The following SPATA17 variants were observed in gnomAD, a reference collection of about 807,000 sequenced individuals.
SPATA17 encodes spermatogenesis associated 17, also known as spermatogenesis-associated protein 17.
Under a neutral mutation model 62.2 loss-of-function variants are expected in SPATA17, and 53 were observed. The observed-to-expected ratio is 0.85, with a 90% CI of 0.68 to 1.07. The LOEUF (loss-of-function observed/expected upper bound fraction) is 1.07, where lower values mean the gene tolerates loss of function less well. Ranked by LOEUF, SPATA17 falls within the 50% of genes least tolerant of loss-of-function variation. The pLI, the probability that SPATA17 is intolerant of heterozygous loss-of-function variation, is 0.00. For synonymous variants in SPATA17, 146 were observed against 146.8 expected (o/e 0.99, Z 0.04); for missense variants, 466 against 425.5 (o/e 1.10, Z -0.84).
chr1:217,776,004 A>G (rs1334694458), intron 7 of SPATA17, among the ~76,000 whole-genome samples: 4 of 152,134 alleles, frequency 2.6e-5, no homozygotes, highest in Non-Finnish European at 5.9e-5. Flanking sequence ...TATCAATTTT[A>G]TTGAATTTAA....
At chr1:217,636,884 AAAAATTTTT>A (rs1404291931) in intron 1 of SPATA17, among the ~76,000 whole-genome samples, 2 of 152,236 alleles carry the variant, frequency 1.3e-5, no homozygotes, top group Non-Finnish European at 2.9e-5. Flanking sequence ...AATAACACTT[AAAAATTTTT>A]AAAACACATA....
chr1:217,695,916 T>G (rs993824073), intron 5 of SPATA17, among the ~76,000 whole-genome samples: 2 of 140,346 alleles, frequency 1.4e-5, no homozygotes, highest in African/African-American at 5.4e-5. Context: ...CAGGGACATT[T>G]AAGTCTGCAG....
chr1:217,760,547 G>C (rs1453238901), intron 6 of SPATA17, among the ~76,000 whole-genome samples: 2 of 152,098 alleles, frequency 1.3e-5, no homozygotes, highest in African/African-American at 2.4e-5. Flanking sequence ...TCAGATAAGG[G>C]CAATATAGCA....
At chr1:217,696,390 T>C (rs1436982681) in intron 5 of SPATA17, among the ~76,000 whole-genome samples, 2 of 152,136 alleles carry the variant, frequency 1.3e-5, no homozygotes, top group Non-Finnish European at 2.9e-5. Flanking sequence ...GCGCCCACTG[T>C]CTGGCACTCC....
chr1:217,678,947 C>T (rs1408187583), intron 4 of SPATA17, among the ~76,000 whole-genome samples: 2 of 151,434 alleles, frequency 1.3e-5, no homozygotes, highest in Admixed American at 6.6e-5. Context: ...AACCCGTTCA[C>T]CTTGAAATTA....
At chr1:217,842,235 T>C (rs1372989487) in intron 9 of SPATA17, among the ~76,000 whole-genome samples, 3 of 152,048 alleles carry the variant, frequency 2.0e-5, no homozygotes, top group African/African-American at 7.2e-5. Flanking sequence ...GTTTTTTATA[T>C]CTATGTTTGT....
chr1:217,812,764 C>T (rs759244775), intron 9 of SPATA17, among the ~76,000 whole-genome samples: 1 of 152,250 alleles, frequency 6.6e-6, no homozygotes, highest in Non-Finnish European at 1.5e-5. Context: ...TTTTGGTTGT[C>T]AAAACATTCA....
intron 9 of SPATA17, among the ~76,000 whole-genome samples, chr1:217,810,838 A>G (rs571932145): frequency 1.8e-3 from 276 of 152,024 alleles, no homozygotes; most frequent in African/African-American, 6.4e-3. Context: ...TTTTAAAACA[A>G]TCAGATCTCA....
intron 1 of SPATA17, among the ~76,000 whole-genome samples, chr1:217,641,675 TAAC>T (rs1670066045): frequency 6.6e-6 from 1 of 152,050 alleles, no homozygotes; most frequent in African/African-American, 2.4e-5. Context: ...TACAGAGAAA[TAAC>T]AAGTATAATA....
chr1:217,716,892 A>T (rs906670264), intron 5 of SPATA17, among the ~76,000 whole-genome samples: 1 of 152,212 alleles, frequency 6.6e-6, no homozygotes, highest in Non-Finnish European at 1.5e-5. Context: ...TATCCACACA[A>T]ACCCCCTTTT....
intron 9 of SPATA17, among the ~76,000 whole-genome samples, chr1:217,859,739 G>T (rs575485303): frequency 1.3e-5 from 2 of 152,246 alleles, no homozygotes; most frequent in East Asian, 1.9e-4. Flanking sequence ...CATAGGATTA[G>T]AAGTGATGGC....
At chr1:217,651,050 C>G (rs777887423) in intron 2 of SPATA17, 47 bp from the exon 3 acceptor site, 1 of 1,401,960 alleles carries the variant, frequency 7.1e-7, no homozygotes, top group Non-Finnish European at 1.0e-6. Context: ...TTTAACTGAC[C>G]TTGTTTCAAT....
chr1:217,764,154 A>G (rs1172790907), intron 6 of SPATA17, among the ~76,000 whole-genome samples: 2 of 152,126 alleles, frequency 1.3e-5, no homozygotes, highest in Non-Finnish European at 2.9e-5. Context: ...CTATGGGTTT[A>G]ACAAATCTAT....
chr1:217,740,728 C>T (rs560613728), intron 5 of SPATA17, among the ~76,000 whole-genome samples: 13 of 152,260 alleles, frequency 8.5e-5, no homozygotes, highest in Admixed American at 2.0e-4. Flanking sequence ...GCTCTGTGGG[C>T]GCAGAAGCCC....
At chr1:217,662,008 G>C (rs952837523) in intron 3 of SPATA17, among the ~76,000 whole-genome samples, 1 of 152,098 alleles carries the variant, frequency 6.6e-6, no homozygotes, top group Non-Finnish European at 1.5e-5. Context: ...TTAAGCAATA[G>C]TACCACAAAA....
intron 5 of SPATA17, among the ~76,000 whole-genome samples, chr1:217,737,479 G>A (rs945181674): frequency 6.6e-6 from 1 of 152,118 alleles, no homozygotes; most frequent in African/African-American, 2.4e-5. Flanking sequence ...GAGGGAGGTT[G>A]AGAGAGAAGT....
At chr1:217,828,179 A>T (rs1030975455) in intron 9 of SPATA17, among the ~76,000 whole-genome samples, 1 of 152,172 alleles carries the variant, frequency 6.6e-6, no homozygotes, top group East Asian at 1.9e-4. Flanking sequence ...TTAAAGTTAT[A>T]TTACAAAACT....
At chr1:217,865,780 C>T (rs1005248607) in intron 10 of SPATA17, among the ~76,000 whole-genome samples, 6 of 152,164 alleles carry the variant, frequency 3.9e-5, no homozygotes, top group Non-Finnish European at 7.3e-5. Context: ...TGTGAGTTTT[C>T]ATGCATTACA....
At chr1:217,654,775 C>A (rs576342578) in intron 3 of SPATA17, among the ~76,000 whole-genome samples, 1 of 146,626 alleles carries the variant, frequency 6.8e-6, no homozygotes, top group South Asian at 2.1e-4. Context: ...TGCAAGGGTG[C>A]GAGCTCAGCT....
Sources: allele counts gnomAD v4.1 joint callset (sites outside exome capture counted in the v4.1 genomes callset), GRCh38; gene constraint gnomAD v4.1.1; transcripts MANE v1.5; gene names NCBI Gene and HGNC (gene_info 2026-07-23, HGNC 2026-07-21).